The following LRRC63 variants were observed in gnomAD, a reference collection of about 807,000 sequenced individuals.
LRRC63 encodes the protein leucine rich repeat containing 63.
LRRC63 carries 40 observed loss-of-function variants against 49.5 expected under a neutral mutation model. That is an observed-to-expected ratio of 0.81 (90% CI 0.63 to 1.05). The LOEUF (loss-of-function observed/expected upper bound fraction) is 1.05. Ranked by LOEUF, LRRC63 falls within the 50% of genes least tolerant of loss-of-function variation. The pLI is 0.00. For synonymous variants in LRRC63, 191 were observed against 221.1 expected (o/e 0.86, Z 1.21); for missense variants, 636 against 663.1 (o/e 0.96, Z 0.45).
At chr13:46,234,333 A>G in exon 5 of LRRC63, 2 of 1,549,912 alleles carry the variant, frequency 1.3e-6, no homozygotes, top group Non-Finnish European at 8.7e-7. Flanking sequence ...TATGGGAGAA[A>G]TGCACTTAAT....
chr13:46,231,720 G>A (rs947472313), intron 4 of LRRC63, among the ~76,000 whole-genome samples: 1 of 151,176 alleles, frequency 6.6e-6, no homozygotes, highest in Non-Finnish European at 1.5e-5. Context: ...ATGTTGACCA[G>A]ACTGGTCTCA....
intron 9 of LRRC63, chr13:46,270,682 G>T: frequency 1.4e-6 from 1 of 713,122 alleles, no homozygotes; most frequent in Non-Finnish European, 2.5e-6. Flanking sequence ...AACCATCAGT[G>T]CACGAAAGGA....
chr13:46,258,399 G>T (rs181276027), intron 7 of LRRC63, among the ~76,000 whole-genome samples: 2 of 151,192 alleles, frequency 1.3e-5, no homozygotes, highest in Admixed American at 1.3e-4. Flanking sequence ...AAAGTGCTGG[G>T]ATTACAGGCG....
chr13:46,220,539 C>A, intron 2 of LRRC63, among the ~76,000 whole-genome samples: 1 of 152,120 alleles, frequency 6.6e-6, no homozygotes, highest in Non-Finnish European at 1.5e-5. Context: ...TTGCTCAGCT[C>A]CATGGGGGTG....
At chr13:46,224,228 A>G (rs2046502416) in intron 2 of LRRC63, among the ~76,000 whole-genome samples, 2 of 152,204 alleles carry the variant, frequency 1.3e-5, no homozygotes. Flanking sequence ...CCCAAATATC[A>G]CAAAGCCTTT....
chr13:46,222,955 A>G (rs9595431), intron 2 of LRRC63, among the ~76,000 whole-genome samples: 24,078 of 151,018 alleles, frequency 0.16, 2,583 homozygotes, highest in African/African-American at 0.31. Context: ...GTAAACTATC[A>G]CAAGGACAAA....
At chr13:46,250,330 T>C in intron 6 of LRRC63, 25 bp from the exon 7 acceptor site, 1 of 1,457,940 alleles carries the variant, frequency 6.9e-7, no homozygotes, top group Non-Finnish European at 9.2e-7. Context: ...TCCGCTCATG[T>C]TTGTTTCTCT....
intron 2 of LRRC63, among the ~76,000 whole-genome samples, chr13:46,220,304 C>G (rs2046367919): frequency 6.6e-6 from 1 of 152,166 alleles, no homozygotes; most frequent in Admixed American, 6.5e-5. Flanking sequence ...GATGCCCTGC[C>G]CAGAGAGGAG....
chr13:46,213,103 G>GA lies in LRRC63; in HGVS notation c.76dup (p.Thr26AsnfsTer5), dbSNP rs1319697316. Reference sequence around the variant, plus strand: ...AATTCACTAAGCTGTCTTTACATGAGAAAAAAACCCATACAGGTATGTGTA... The same window carrying GA: ...AATTCACTAAGCTGTCTTTACATGAGAAAAAAAACCCATACAGGTATGTGTA... On this transcript the variant is annotated frameshift_variant, in exon 2 of 10. Coordinates refer to ENST00000595396, the Ensembl canonical transcript of LRRC63. LOFTEE classifies it high-confidence loss of function. The GA allele has an allele frequency of 5.2e-6, 8 of 1,545,584 alleles. No homozygotes were observed. The highest frequency in any genetic ancestry group is 3.6e-5 in the South Asian group (3 of 83,310).
intron 9 of LRRC63, among the ~76,000 whole-genome samples, chr13:46,272,101 G>T (rs2047767605): frequency 6.6e-6 from 1 of 152,174 alleles, no homozygotes; most frequent in Admixed American, 6.5e-5. Context: ...AACTCAGAGG[G>T]CAACAATGGG....
chr13:46,258,268 T>C (rs964778445), intron 7 of LRRC63, among the ~76,000 whole-genome samples: 2 of 151,434 alleles, frequency 1.3e-5, no homozygotes, highest in African/African-American at 4.8e-5. Flanking sequence ...TAGCTGGGAT[T>C]ACAGGCATGC....
At chr13:46,241,064 A>G (rs976858991) in intron 5 of LRRC63, among the ~76,000 whole-genome samples, 2 of 152,242 alleles carry the variant, frequency 1.3e-5, no homozygotes, top group African/African-American at 2.4e-5. Context: ...TAGAGGCATC[A>G]TGCTACCTGC....
intron 2 of LRRC63, among the ~76,000 whole-genome samples, chr13:46,225,994 T>C (rs2046562966): frequency 1.5e-5 from 1 of 64,780 alleles, no homozygotes; most frequent in South Asian, 5.1e-4. Flanking sequence ...TTCCTTTTTC[T>C]TTTTTTTTTG....
At chr13:46,228,241 G>A in intron 3 of LRRC63, 52 bp downstream of exon 3, 1 of 1,364,386 alleles carries the variant, frequency 7.3e-7, no homozygotes, top group Admixed American at 2.6e-5. Context: ...GAGCAAAGGG[G>A]AGAGAAGGCA....
intron 2 of LRRC63, among the ~76,000 whole-genome samples, chr13:46,215,191 G>A (rs1197914161): frequency 6.6e-6 from 1 of 152,210 alleles, no homozygotes; most frequent in Non-Finnish European, 1.5e-5. Flanking sequence ...TCCTTATACT[G>A]TCTTCCACAA....
intron 5 of LRRC63, among the ~76,000 whole-genome samples, chr13:46,238,610 AC>A (rs1175439201): frequency 2.6e-5 from 4 of 152,134 alleles, no homozygotes; most frequent in Non-Finnish European, 4.4e-5. Context: ...CCTTTATAAA[AC>A]CATCAGCCCT....
At chr13:46,212,892 CAGTAG>C in intron 1 of LRRC63, 105 bp from the exon 2 acceptor site, 1 of 537,472 alleles carries the variant, frequency 1.9e-6, no homozygotes, top group Non-Finnish European at 3.2e-6. Flanking sequence ...TGCCTGGATT[CAGTAG>C]AGTATTGGTA....
At chr13:46,257,564 A>T (rs1053957183) in intron 7 of LRRC63, among the ~76,000 whole-genome samples, 2 of 152,216 alleles carry the variant, frequency 1.3e-5, no homozygotes, top group Non-Finnish European at 2.9e-5. Context: ...AATAAGTGAT[A>T]TGAAAAAGAA....
At chr13:46,256,921 A>G (rs1402913986) in intron 7 of LRRC63, among the ~76,000 whole-genome samples, 1 of 152,250 alleles carries the variant, frequency 6.6e-6, no homozygotes, top group Non-Finnish European at 1.5e-5. Context: ...CTACCAGAAC[A>G]TGTGAATATG....
Sources: gnomAD v4.1 joint callset for allele counts (sites outside exome capture counted in the v4.1 genomes callset) on GRCh38, gnomAD v4.1.1 for gene constraint, MANE v1.5 for transcripts, NCBI Gene and HGNC (gene_info 2026-07-23, HGNC 2026-07-21) for gene names.